Variants in LRRC49 observed in about 807,000 individuals in gnomAD.
LRRC49 encodes leucine rich repeat containing 49.
In LRRC49, 50 loss-of-function variants were observed where a neutral mutation model predicts 83.3. That is an observed-to-expected ratio of 0.60 (90% CI 0.48 to 0.76). LRRC49 has a LOEUF of 0.76. Ranked by LOEUF, LRRC49 falls within the 30% of genes least tolerant of loss-of-function variation. LRRC49 has a pLI of 0.00. For missense variants in LRRC49, 704 were observed against 809.1 expected (o/e 0.87, Z 1.58); for synonymous variants, 286 against 283.3 (o/e 1.01, Z -0.10).
chr15:70,995,553 C>T (rs1220839329), intron 11 of LRRC49, among the ~76,000 whole-genome samples: 1 of 152,134 alleles, frequency 6.6e-6, no homozygotes, highest in East Asian at 1.9e-4. Context: ...GGCCGTACAT[C>T]CTGTTCTCTT....
At chr15:70,970,072 C>T (rs377201938) in intron 9 of LRRC49, among the ~76,000 whole-genome samples, 5 of 152,132 alleles carry the variant, frequency 3.3e-5, no homozygotes, top group Admixed American at 6.5e-5. Flanking sequence ...AAAGGGAATG[C>T]GTCCAGCTTT....
intron 11 of LRRC49, among the ~76,000 whole-genome samples, chr15:70,988,751 G>C (rs2037737479): frequency 6.6e-6 from 1 of 151,996 alleles, no homozygotes; most frequent in Non-Finnish European, 1.5e-5. Context: ...TTACAATTTG[G>C]CATGATTTTG....
chr15:71,028,431 T>A (rs2039243544), intron 14 of LRRC49, among the ~76,000 whole-genome samples: 1 of 152,134 alleles, frequency 6.6e-6, no homozygotes, highest in Admixed American at 6.5e-5. Context: ...CTCTGCCAGG[T>A]TTCAGTATCA....
intron 1 of LRRC49, among the ~76,000 whole-genome samples, chr15:70,858,068 A>G (rs1186279857): frequency 6.6e-6 from 1 of 152,246 alleles, no homozygotes; most frequent in Non-Finnish European, 1.5e-5. Context: ...TCATACCAAG[A>G]AAACCTTAGC....
intron 7 of LRRC49, among the ~76,000 whole-genome samples, chr15:70,920,045 T>A (rs1022133728): frequency 2.8e-4 from 42 of 152,238 alleles, no homozygotes; most frequent in Admixed American, 6.5e-4. Context: ...ATACAGCTAA[T>A]GAGGAACATT....
chr15:70,956,663 G>A (rs2036413856), intron 8 of LRRC49, among the ~76,000 whole-genome samples: 1 of 151,798 alleles, frequency 6.6e-6, no homozygotes, highest in Non-Finnish European at 1.5e-5. Context: ...GCCTGTATTT[G>A]TACTTAAGAG....
At chr15:70,913,744 G>A (rs557238252) in intron 6 of LRRC49, among the ~76,000 whole-genome samples, 1 of 151,966 alleles carries the variant, frequency 6.6e-6, no homozygotes, top group Admixed American at 6.6e-5. Context: ...TATGATAGCA[G>A]TATTTTTCTT....
intron 15 of LRRC49, among the ~76,000 whole-genome samples, chr15:71,047,301 A>C (rs1244523010): frequency 1.3e-5 from 2 of 152,172 alleles, no homozygotes; most frequent in Non-Finnish European, 2.9e-5. Flanking sequence ...TATGATATTG[A>C]TTCTTCCAAT....
rs1394400194 is a variant in LRRC49 at position 70,963,884 on chromosome 15, C to G, written c.873C>G (p.Val291=). 1.9e-6 allele frequency: 3 copies of G among 1,613,546 alleles called. No individual in the cohort carries two copies. Among genetic ancestry groups the G allele is most frequent in the Non-Finnish European group, 2.5e-6 (3 of 1,179,614 alleles). ...IAQESWYKHT[V]LQNMMQLRQL... Reference sequence around the variant, plus strand: ...AAGAGTCATGGTACAAACACACTGTCCTTCAGAATATGATGCAGCTGCGCC... The same window carrying G: ...AAGAGTCATGGTACAAACACACTGTGCTTCAGAATATGATGCAGCTGCGCC... Residue 291 remains valine (V), a synonymous_variant, in exon 9 of 16, where the codon GTC becomes GTG. Coordinates refer to ENST00000260382, the MANE Select transcript of LRRC49 (RefSeq NM_017691.5).
At chr15:70,927,179 T>C (rs1423083218) in intron 7 of LRRC49, among the ~76,000 whole-genome samples, 2 of 152,178 alleles carry the variant, frequency 1.3e-5, no homozygotes, top group African/African-American at 2.4e-5. Context: ...TTGCTCAAAA[T>C]CCTTGCCAAA....
chr15:71,041,737 T>G (rs897628339), intron 15 of LRRC49, among the ~76,000 whole-genome samples: 1 of 152,178 alleles, frequency 6.6e-6, no homozygotes. Flanking sequence ...ACTTTTTTGT[T>G]GAGGCTTTTT....
chr15:70,930,618 G>C (rs2035371119), intron 7 of LRRC49, among the ~76,000 whole-genome samples: 1 of 152,222 alleles, frequency 6.6e-6, no homozygotes, highest in Admixed American at 6.5e-5. Context: ...AAAAGTCCTA[G>C]ATGGTATCTT....
At chr15:71,011,893 G>T (rs1265349577) in intron 13 of LRRC49, among the ~76,000 whole-genome samples, 3 of 152,112 alleles carry the variant, frequency 2.0e-5, no homozygotes, top group Non-Finnish European at 4.4e-5. Flanking sequence ...ATTTTCAAAA[G>T]ATCCAAAATT....
intron 2 of LRRC49, among the ~76,000 whole-genome samples, chr15:70,895,291 A>G (rs1265412019): frequency 6.6e-6 from 1 of 152,164 alleles, no homozygotes; most frequent in Non-Finnish European, 1.5e-5. Context: ...CCTTTCTTAG[A>G]AGGCTTAAAT....
intron 8 of LRRC49, among the ~76,000 whole-genome samples, chr15:70,951,139 C>T (rs2036201791): frequency 6.6e-6 from 1 of 152,102 alleles, no homozygotes; most frequent in Non-Finnish European, 1.5e-5. Flanking sequence ...CATACCAGTA[C>T]CATGCTGTTT....
At chr15:70,938,807 C>A (rs898387740) in intron 8 of LRRC49, among the ~76,000 whole-genome samples, 3 of 152,006 alleles carry the variant, frequency 2.0e-5, no homozygotes, top group African/African-American at 4.8e-5. Context: ...GGAATTTGTA[C>A]CTTTATTTTA....
At chr15:70,878,074 A>G (rs2033189285) in intron 2 of LRRC49, among the ~76,000 whole-genome samples, 1 of 152,176 alleles carries the variant, frequency 6.6e-6, no homozygotes, top group African/African-American at 2.4e-5. Flanking sequence ...CAGAGTTTGC[A>G]GGGAGCCGAG....
chr15:70,854,278 G>C (rs2032590325), intron 1 of LRRC49: 1 of 201,160 alleles, frequency 5.0e-6, no homozygotes, highest in African/African-American at 2.4e-5. Flanking sequence ...CACCCCGACC[G>C]CTAGTGGAGC....
In LRRC49 at chr15:70,985,673, C is replaced by A. The variant is rs2037584668; in HGVS notation, c.1169+1416C>A. Among the ~76,000 whole-genome samples the A allele has an allele frequency of 1.3e-5, 2 of 151,864 alleles. 1 individual carries two copies. Among genetic ancestry groups the A allele is most frequent in the African/African-American group, 4.8e-5 (2 of 41,266 alleles). The stretch of plus-strand genomic sequence containing the variant: ...TCAATTTTGGCTTTTGTTGCCATTG[C>A]TTTTGGTGTTTTAGACATAAAGTCC... On this transcript the variant is annotated intron_variant, in intron 11 of 15. Coordinates refer to ENST00000260382, the MANE Select transcript of LRRC49 (RefSeq NM_017691.5).
Sources: allele counts gnomAD v4.1 joint callset (sites outside exome capture counted in the v4.1 genomes callset), GRCh38; gene constraint gnomAD v4.1.1; transcripts MANE v1.5; gene names NCBI Gene and HGNC (gene_info 2026-07-23, HGNC 2026-07-21).